The following STK32B variants were observed in gnomAD, a reference collection of about 807,000 sequenced individuals.
The protein encoded by STK32B is serine/threonine-protein kinase 32B.
A neutral mutation model predicts 52.6 loss-of-function variants in STK32B; 43 were observed. That is an observed-to-expected ratio of 0.82 (90% CI 0.64 to 1.05). STK32B has a LOEUF of 1.05. Ranked by LOEUF, STK32B falls within the 50% of genes least tolerant of loss-of-function variation. The pLI is 0.00. For missense variants in STK32B, 621 were observed against 534.6 expected (o/e 1.16, Z -1.59); for synonymous variants, 238 against 204.3 (o/e 1.17, Z -1.41).
intron 11 of STK32B, among the ~76,000 whole-genome samples, chr4:5,486,350 A>G (rs1719201166): frequency 6.6e-6 from 1 of 152,190 alleles, no homozygotes. Context: ...TGTGGTAGCA[A>G]TGAGCGAGGC....
intron 2 of STK32B, among the ~76,000 whole-genome samples, chr4:5,155,906 C>G (rs992544165): frequency 2.0e-5 from 3 of 152,010 alleles, no homozygotes; most frequent in Non-Finnish European, 4.4e-5. Flanking sequence ...CTAAACAGTT[C>G]ACATATATAC....
At chr4:5,317,050 TAA>T (rs1418654636) in intron 3 of STK32B, among the ~76,000 whole-genome samples, 3 of 36,944 alleles carry the variant, frequency 8.1e-5, no homozygotes, top group South Asian at 1.5e-3. Flanking sequence ...ATTATATATA[TAA>T]TATATATGAT....
chr4:5,250,564 C>A (rs181281485), intron 3 of STK32B, among the ~76,000 whole-genome samples: 1 of 152,196 alleles, frequency 6.6e-6, no homozygotes, highest in East Asian at 1.9e-4. Context: ...CCACCCGCCT[C>A]GGCCTCCCAA....
chr4:5,123,596 T>A (rs1231095064), intron 1 of STK32B, among the ~76,000 whole-genome samples: 1 of 152,112 alleles, frequency 6.6e-6, no homozygotes, highest in Non-Finnish European at 1.5e-5. Context: ...CCTCTCTCCT[T>A]GGCTTTATAC....
intron 3 of STK32B, among the ~76,000 whole-genome samples, chr4:5,308,804 GAAAAGTAT>G (rs569158816): frequency 1.2e-3 from 190 of 152,168 alleles, no homozygotes; most frequent in Non-Finnish European, 2.2e-3. Context: ...ACTGAACAAG[GAAAAGTAT>G]AAAGCTTTCC....
intron 7 of STK32B, among the ~76,000 whole-genome samples, chr4:5,451,923 G>A (rs1052754110): frequency 2.6e-5 from 4 of 151,998 alleles, no homozygotes; most frequent in East Asian, 1.9e-4. Flanking sequence ...AGGAACCCTC[G>A]CCCCTTTCAC....
intron 3 of STK32B, among the ~76,000 whole-genome samples, chr4:5,281,784 G>A (rs754449013): frequency 6.6e-6 from 1 of 152,116 alleles, no homozygotes; most frequent in Non-Finnish European, 1.5e-5. Context: ...GATGGAAGAG[G>A]ACATAATTGA....
At chr4:5,381,966 G>A (rs1735961191) in intron 4 of STK32B, among the ~76,000 whole-genome samples, 1 of 152,168 alleles carries the variant, frequency 6.6e-6, no homozygotes, top group South Asian at 2.1e-4. Context: ...TCTGCAGACA[G>A]GCCAGCCAGC....
At chr4:5,173,597 C>T (rs1220547694) in intron 3 of STK32B, among the ~76,000 whole-genome samples, 1 of 152,118 alleles carries the variant, frequency 6.6e-6, no homozygotes, top group Non-Finnish European at 1.5e-5. Flanking sequence ...GTTAAGTTTC[C>T]ATGTAGTTGA....
intron 11 of STK32B, among the ~76,000 whole-genome samples, chr4:5,496,326 C>G (rs540481770): frequency 6.6e-6 from 1 of 152,332 alleles, no homozygotes; most frequent in Non-Finnish European, 1.5e-5. Context: ...GCAGTTTGAT[C>G]TCAGACTGCT....
intron 3 of STK32B, among the ~76,000 whole-genome samples, chr4:5,191,312 G>A (rs1417690192): frequency 1.3e-5 from 2 of 151,362 alleles, no homozygotes; most frequent in African/African-American, 2.4e-5. Flanking sequence ...GTGCAGTGGC[G>A]CCATCTCGGC....
At chr4:5,201,864 CGTG>C (rs1225515103) in intron 3 of STK32B, among the ~76,000 whole-genome samples, 2 of 152,152 alleles carry the variant, frequency 1.3e-5, no homozygotes, top group East Asian at 1.9e-4. Flanking sequence ...TTTGTCGAAA[CGTG>C]GGGATTACAA....
chr4:5,324,859 C>A (rs992032545), intron 3 of STK32B, among the ~76,000 whole-genome samples: 1 of 152,198 alleles, frequency 6.6e-6, no homozygotes, highest in African/African-American at 2.4e-5. Flanking sequence ...ACGGCAAAAT[C>A]TGGGCTCCCT....
rs1034545917 is a variant in STK32B, at chr4:5,067,629, CTTTATT to C, written c.52+15728_52+15733del. ...CAAACATTTTTATACATAATATGAT[CTTTATT>C]TTTATTTTTATTTCAATAGCTTTAA... On this transcript the variant is annotated intron_variant, in intron 1 of 11. Coordinates refer to ENST00000282908, the MANE Select transcript of STK32B (RefSeq NM_018401.3). Among the ~76,000 whole-genome samples the C allele has an allele frequency of 1.1e-4, 16 of 152,116 alleles. No homozygotes were observed. In the East Asian group the frequency reaches 2.9e-3, roughly 28 times the overall value.
At chr4:5,331,182 C>T (rs374468343) in intron 3 of STK32B, 38 bp from the exon 4 acceptor site, 2 of 1,569,412 alleles carry the variant, frequency 1.3e-6, no homozygotes, top group African/African-American at 1.4e-5. Flanking sequence ...CTGAAGGTGC[C>T]TCCACCCCTA....
chr4:5,403,711 C>T (rs879411087), intron 5 of STK32B, among the ~76,000 whole-genome samples: 29 of 152,168 alleles, frequency 1.9e-4, no homozygotes, highest in Admixed American at 3.3e-4. Context: ...ACCCACTTTT[C>T]TCTTGTCAAA....
rs139798294 is a variant in STK32B, at chr4:5,191,285, C to G, written c.260+22835C>G. Among the ~76,000 whole-genome samples the G allele has an allele frequency of 2.1e-3, 316 of 150,628 alleles. 7 individuals are homozygous for G. In the East Asian group the frequency reaches 0.052, roughly 25 times the overall value. Reference sequence around the variant, plus strand: ...TTTTTTTTTGAGACAGAGTCTCGCTCTGTCACCCAGGCTGGAGTGCAGTGG... The same window carrying G: ...TTTTTTTTTGAGACAGAGTCTCGCTGTGTCACCCAGGCTGGAGTGCAGTGG... On this transcript the variant is annotated intron_variant, in intron 3 of 11. Coordinates refer to ENST00000282908, the MANE Select transcript of STK32B (RefSeq NM_018401.3).
chr4:5,396,202 T>C lies in STK32B; in HGVS notation c.435-2005T>C, dbSNP rs866391330. 1.3e-5 allele frequency among the ~76,000 whole-genome samples: 2 copies of C among 152,362 alleles called. No individual in the cohort carries two copies. The highest frequency in any genetic ancestry group is 4.1e-4 in the South Asian group (2 of 4,826). ...AGAGGAGTCATGGCTGTGCTTCCTCTGGAGGTTCAGGAGAGAATCCGCCCC... is the reference window on the plus strand; with the variant it reads ...AGAGGAGTCATGGCTGTGCTTCCTCCGGAGGTTCAGGAGAGAATCCGCCCC... On this transcript the variant is annotated intron_variant, in intron 4 of 11. Coordinates refer to ENST00000282908, the MANE Select transcript of STK32B (RefSeq NM_018401.3). This position sits in a 1 kb window ranked among gnomAD's most constrained non-coding sequence, Gnocchi z 4.7.
In STK32B at chr4:5,417,015, A is replaced by G. The variant is rs573252797; in HGVS notation, c.562+81A>G. 3.1e-6 allele frequency: 4 copies of G among 1,293,250 alleles called. No homozygotes were observed. In the South Asian group the frequency reaches 4.0e-5, roughly 13 times the overall value. The allele number at this position is 1,293,250 out of a possible 1,614,324, so 80.1% of individuals were successfully genotyped here. ...GCATCCTTCTCTTGTTTCATCTGCC[A>G]CTGCCCGCTGCCACATACCCTCCCA... is the stretch of plus-strand genomic sequence containing the variant. On this transcript the variant is annotated intron_variant, in intron 6 of 11. Coordinates refer to ENST00000282908, the MANE Select transcript of STK32B (RefSeq NM_018401.3).
Sources: allele counts gnomAD v4.1 joint callset (sites outside exome capture counted in the v4.1 genomes callset), GRCh38; gene constraint gnomAD v4.1.1; non-coding constraint Gnocchi (gnomAD v3.1); transcripts MANE v1.5; gene names NCBI Gene and HGNC (gene_info 2026-07-23, HGNC 2026-07-21).